ROBO2: variants seen among roughly 807,000 people sequenced by gnomAD.
ROBO2 encodes the protein roundabout homolog 2.
Under a neutral mutation model 160.8 loss-of-function variants are expected in ROBO2, and 53 were observed. The observed-to-expected ratio is 0.33, with a 90% CI of 0.26 to 0.41. ROBO2 has a LOEUF of 0.41. Among genes scored for constraint, ROBO2 ranks in the 10% least tolerant of loss-of-function variants. ROBO2 has a pLI of 1.00. For missense variants in ROBO2, 1,577 were observed against 1,722.4 expected (o/e 0.92, Z 1.49); for synonymous variants, 664 against 611.7 (o/e 1.09, Z -1.26).
chr3:75,922,163 C>T (rs976569984), intron 1 of ROBO2, among the ~76,000 whole-genome samples: 13 of 152,132 alleles, frequency 8.5e-5, no homozygotes, highest in African/African-American at 2.4e-4. Context: ...AAGTGATAAA[C>T]GGTTCATAAA....
At chr3:76,965,777 G>A (rs34793014) in intron 2 of ROBO2, among the ~76,000 whole-genome samples, 29,756 of 120,002 alleles carry the variant, frequency 0.25, 3,363 homozygotes, top group South Asian at 0.34. Flanking sequence ...ATTATTTATT[G>A]TGTTTGTGTA....
intron 2 of ROBO2, among the ~76,000 whole-genome samples, chr3:77,198,528 G>A (rs1221481142): frequency 4.6e-5 from 7 of 152,134 alleles, no homozygotes; most frequent in Non-Finnish European, 1.0e-4. Flanking sequence ...CCCAATAGTG[G>A]GACACTTGAG....
chr3:76,326,731 C>T, intron 2 of ROBO2, among the ~76,000 whole-genome samples: 2 of 150,298 alleles, frequency 1.3e-5, no homozygotes, highest in Admixed American at 6.6e-5. Context: ...AACTCGTCAT[C>T]TAGCATTAGG....
At chr3:75,961,458 A>G (rs1235741646) in intron 2 of ROBO2, among the ~76,000 whole-genome samples, 1 of 151,686 alleles carries the variant, frequency 6.6e-6, no homozygotes, top group Non-Finnish European at 1.5e-5. Context: ...TTTCTTCTAA[A>G]TACTATGCTC....
chr3:76,873,464 A>G (rs1341706597), intron 2 of ROBO2, among the ~76,000 whole-genome samples: 1 of 152,242 alleles, frequency 6.6e-6, no homozygotes, highest in Non-Finnish European at 1.5e-5. Context: ...ATGGAATGAA[A>G]TAAATAATTT....
intron 2 of ROBO2, among the ~76,000 whole-genome samples, chr3:75,975,575 C>T (rs1220890423): frequency 2.0e-5 from 3 of 151,380 alleles, no homozygotes; most frequent in East Asian, 3.9e-4. Context: ...TTGGCTATCA[C>T]TAGTTACCAA....
At chr3:76,287,859 G>A (rs1169044529) in intron 2 of ROBO2, among the ~76,000 whole-genome samples, 3 of 151,924 alleles carry the variant, frequency 2.0e-5, no homozygotes, top group Non-Finnish European at 4.4e-5. Flanking sequence ...GCTATGTAAT[G>A]TTACTGCTAC....
intron 2 of ROBO2, among the ~76,000 whole-genome samples, chr3:77,320,723 G>A (rs1004186363): frequency 1.3e-5 from 2 of 152,088 alleles, no homozygotes; most frequent in African/African-American, 4.8e-5. Context: ...AACTTTTGTT[G>A]CGTTTGAAGG....
chr3:76,885,309 G>A (rs1311596416), intron 2 of ROBO2, among the ~76,000 whole-genome samples: 1 of 152,038 alleles, frequency 6.6e-6, no homozygotes, highest in African/African-American at 2.4e-5. Context: ...ATAGAGAAAA[G>A]GTGACTATTG....
At chr3:77,033,075 A>G (rs1450447338) in intron 2 of ROBO2, among the ~76,000 whole-genome samples, 1 of 152,186 alleles carries the variant, frequency 6.6e-6, no homozygotes, top group East Asian at 1.9e-4. Context: ...GCAACATCCG[A>G]CTACCTTGTG....
At chr3:76,774,275 GA>G (rs2062094550) in intron 2 of ROBO2, among the ~76,000 whole-genome samples, 1 of 150,836 alleles carries the variant, frequency 6.6e-6, no homozygotes, top group Non-Finnish European at 1.5e-5. Flanking sequence ...TAATTTGCAA[GA>G]TATGATTCTC....
At chr3:76,885,881 A>G (rs2073830128) in intron 2 of ROBO2, among the ~76,000 whole-genome samples, 1 of 152,134 alleles carries the variant, frequency 6.6e-6, no homozygotes, top group Non-Finnish European at 1.5e-5. Flanking sequence ...AAGAGATGCA[A>G]CTGGGACACA....
chr3:76,187,941 C>A (rs1701839136), intron 2 of ROBO2, among the ~76,000 whole-genome samples: 1 of 152,088 alleles, frequency 6.6e-6, no homozygotes, highest in African/African-American at 2.4e-5. Context: ...GATTTAAAAG[C>A]CCCGAATAAT....
rs575168644 is a variant in ROBO2, at chr3:76,590,010, A to T, written c.110-508004A>T. On this transcript the variant is annotated intron_variant, in intron 2 of 26. Transcript: ENST00000487694. Reference sequence around the variant, plus strand: ...ATGTATGTTCCGGATAATGAAAAATATGTAGGCTTAAACTAATATTATACA... The same window carrying T: ...ATGTATGTTCCGGATAATGAAAAATTTGTAGGCTTAAACTAATATTATACA... Among the ~76,000 whole-genome samples the T allele has an allele frequency of 9.2e-5, 14 of 152,322 alleles. No individual in the cohort carries two copies. In the South Asian group the frequency reaches 1.4e-3, roughly 16 times the overall value.
intron 2 of ROBO2, among the ~76,000 whole-genome samples, chr3:77,010,237 G>A (rs1242797702): frequency 6.6e-6 from 1 of 152,088 alleles, no homozygotes; most frequent in Non-Finnish European, 1.5e-5. Flanking sequence ...AGAAATGACT[G>A]TCAACCAAGA....
At chr3:76,447,086 T>A (rs549197376) in intron 2 of ROBO2, among the ~76,000 whole-genome samples, 2 of 152,010 alleles carry the variant, frequency 1.3e-5, no homozygotes, top group African/African-American at 4.8e-5. Context: ...AAAGAAACTA[T>A]CATCAGAGTG....
chr3:77,300,001 A>C (rs1203552626), intron 2 of ROBO2, among the ~76,000 whole-genome samples: 1 of 152,096 alleles, frequency 6.6e-6, no homozygotes, highest in Non-Finnish European at 1.5e-5. Flanking sequence ...TAGTTTGGAA[A>C]AAAATACCTC....
At chr3:76,615,105 T>G (rs751689692) in intron 2 of ROBO2, among the ~76,000 whole-genome samples, 25 of 152,182 alleles carry the variant, frequency 1.6e-4, no homozygotes, top group Non-Finnish European at 3.4e-4. Flanking sequence ...CAATGGTTTT[T>G]TGATTTCACT....
At chr3:76,212,595 A>G in intron 2 of ROBO2, among the ~76,000 whole-genome samples, 1 of 152,138 alleles carries the variant, frequency 6.6e-6, no homozygotes, top group East Asian at 1.9e-4. Context: ...GTAAAAAAAT[A>G]GTGTCATTTA....
Sources: gnomAD v4.1 joint callset for allele counts (sites outside exome capture counted in the v4.1 genomes callset) on GRCh38, gnomAD v4.1.1 for gene constraint, MANE v1.5 for transcripts, NCBI Gene and HGNC (gene_info 2026-07-23, HGNC 2026-07-21) for gene names.